TAOK3: variants seen among roughly 807,000 people sequenced by gnomAD.
TAOK3 encodes TAO kinase 3, also known as serine/threonine-protein kinase TAO3.
TAOK3 carries 40 observed loss-of-function variants against 120.4 expected under a neutral mutation model. The ratio of observed to expected loss-of-function variants is 0.33; its 90% CI spans 0.26 to 0.43. The LOEUF (loss-of-function observed/expected upper bound fraction) is 0.43, where lower values mean the gene tolerates loss of function less well. Among genes scored for constraint, TAOK3 ranks in the 20% least tolerant of loss-of-function variants. The pLI is 1.00. For synonymous variants in TAOK3, 355 were observed against 387.5 expected, an observed-to-expected ratio of 0.92 and a Z score of 0.99; for missense variants, 821 against 1,112.1, an observed-to-expected ratio of 0.74 and a Z score of 3.72.
intron 3 of TAOK3, among the ~76,000 whole-genome samples, chr12:118,252,806 G>C (rs1447928178): frequency 4.0e-5 from 6 of 149,468 alleles, no homozygotes; most frequent in Non-Finnish European, 8.9e-5. Context: ...TGCAAGCTCT[G>C]CCTCCCGAGT....
chr12:118,366,908 G>A (rs1189004977), intron 1 of TAOK3, among the ~76,000 whole-genome samples: 2 of 152,256 alleles, frequency 1.3e-5, no homozygotes, highest in African/African-American at 4.8e-5. Flanking sequence ...TCACCAACAT[G>A]GTGAAACCCC....
intron 1 of TAOK3, among the ~76,000 whole-genome samples, chr12:118,363,786 C>G (rs1212319509): frequency 1.3e-5 from 2 of 151,054 alleles, no homozygotes; most frequent in Admixed American, 6.6e-5. Flanking sequence ...GACAGACAGA[C>G]AGACACACAG....
intron 1 of TAOK3, chr12:118,297,300 T>A (rs950964158): frequency 2.0e-5 from 3 of 152,238 alleles, no homozygotes; most frequent in Non-Finnish European, 4.4e-5. Context: ...CTATGACAAC[T>A]ATTAGTCAAA....
At chr12:118,286,461 CAT>C (rs2042269102) in intron 1 of TAOK3, among the ~76,000 whole-genome samples, 1 of 151,602 alleles carries the variant, frequency 6.6e-6, no homozygotes, top group Non-Finnish European at 1.5e-5. Context: ...GGCCAACAAA[CAT>C]ATGAAAAAAT....
chr12:118,271,141 A>T (rs937205327), intron 1 of TAOK3, among the ~76,000 whole-genome samples: 10 of 152,210 alleles, frequency 6.6e-5, no homozygotes, highest in Admixed American at 4.6e-4. Flanking sequence ...TAAAAAATAA[A>T]AACAGTGTTA....
At chr12:118,268,599 C>T (rs2041559409) in intron 1 of TAOK3, among the ~76,000 whole-genome samples, 1 of 152,174 alleles carries the variant, frequency 6.6e-6, no homozygotes, top group East Asian at 1.9e-4. Context: ...TAACCACTAA[C>T]CAATCAATAA....
chr12:118,185,967 T>A (rs2037049298), intron 14 of TAOK3, among the ~76,000 whole-genome samples: 1 of 152,214 alleles, frequency 6.6e-6, no homozygotes, highest in Non-Finnish European at 1.5e-5. Context: ...GAGAACACAT[T>A]TTCAAGCATT....
Position 118,318,448 on chromosome 12 carries a change from G to T in TAOK3, c.-193-51689C>A, listed in dbSNP as rs558137638. Among the ~76,000 whole-genome samples, 47 of 152,198 alleles carry T rather than the reference G, an allele frequency of 3.1e-4. 1 individual carries two copies. The highest frequency in any genetic ancestry group is 1.1e-3 in the African/African-American group (47 of 41,526). ...TGGGATTACAGGTGTGAGCCGCTGC[G>T]CCTGGCCACAACTCTTAAATATAGG... On this transcript the variant is annotated intron_variant, in intron 1 of 20. Transcript: ENST00000392533.
At chr12:118,226,721 T>C (rs532752774) in intron 9 of TAOK3, among the ~76,000 whole-genome samples, 1 of 152,330 alleles carries the variant, frequency 6.6e-6, no homozygotes, top group South Asian at 2.1e-4. Flanking sequence ...GGGAGAAGGC[T>C]ACTTTGTCCT....
Position 118,199,157 on chromosome 12 carries a change from C to A in TAOK3, c.1088G>T (p.Ser363Ile). Reference sequence around the variant, plus strand: ...CATGACTTCCTGCATGCTGTTCACACTGCTGCTCTGGCTGCCTGTGCTCAC... The same window carrying A: ...CATGACTTCCTGCATGCTGTTCACAATGCTGCTCTGGCTGCCTGTGCTCAC... ...MSVSTGSQSSSVNSMQEVMDE... is the reference protein window; with the variant it reads ...MSVSTGSQSSIVNSMQEVMDE... The change falls in exon 13 of 21, where the codon AGT (serine) becomes ATT (isoleucine). Residue 363 changes from serine (S) to isoleucine (I), a missense_variant. By Grantham distance (142) the Ser-to-Ile change is moderately radical. Around this residue, in one of 2 missense-constraint regions of TAOK3, gnomAD observed 467 missense variants for 540.0 expected, o/e 0.86. Coordinates refer to ENST00000392533, the MANE Select transcript of TAOK3 (RefSeq NM_016281.4). 6.2e-7 allele frequency: 1 copy of A among 1,614,192 alleles called. No individual in the cohort carries two copies. Among genetic ancestry groups the A allele is most frequent in the African/African-American group, 1.3e-5 (1 of 75,046 alleles).
chr12:118,190,326 G>C (rs892264975), intron 13 of TAOK3: 1 of 160,198 alleles, frequency 6.2e-6, no homozygotes, highest in Non-Finnish European at 1.4e-5. Context: ...GGAGGATGCT[G>C]GTGGCTTTTA....
chr12:118,252,260 A>G (rs2040789034), intron 3 of TAOK3, among the ~76,000 whole-genome samples: 1 of 152,246 alleles, frequency 6.6e-6, no homozygotes, highest in African/African-American at 2.4e-5. Context: ...CAAAACAAAC[A>G]GGTCACAAAT....
In TAOK3 at chr12:118,214,160, A is replaced by G. The variant is rs932561039; in HGVS notation, c.644-50T>C. The G allele has an allele frequency of 2.1e-6, 3 of 1,428,652 alleles. No individual in the cohort carries two copies. In the African/African-American group the frequency reaches 4.3e-5, roughly 21 times the overall value. 88.5% of individuals were successfully genotyped at this position (1,428,652 alleles called of 1,614,324 possible). On this transcript the variant is annotated intron_variant, in intron 9 of 20. Transcript: ENST00000392533. Reference sequence around the variant, plus strand: ...AAGTAGTTCTTGAAGGAAACCAGGCAGACAGAGAAATAAGAAACTATGAGC... The same window carrying G: ...AAGTAGTTCTTGAAGGAAACCAGGCGGACAGAGAAATAAGAAACTATGAGC...
intron 1 of TAOK3, among the ~76,000 whole-genome samples, chr12:118,342,829 G>T (rs749579356): frequency 6.6e-6 from 1 of 151,798 alleles, no homozygotes; most frequent in Non-Finnish European, 1.5e-5. Context: ...AGGTACTGGG[G>T]AGGCTGAGGC....
intron 9 of TAOK3, among the ~76,000 whole-genome samples, chr12:118,222,891 A>T (rs1031822131): frequency 6.6e-5 from 10 of 152,140 alleles, no homozygotes; most frequent in African/African-American, 2.4e-4. Context: ...TCATCCATGT[A>T]AACAAAAAAA....
rs1388682924 is a variant in TAOK3 at position 118,198,849 on chromosome 12, G to A, written c.1194+202C>T. ...GATGATGGACATCAGAGTAATGAGA[G>A]AGGGAGATGAAGAAATAGGCACAGA... On this transcript the variant is annotated intron_variant, in intron 13 of 20. Coordinates refer to ENST00000392533, the MANE Select transcript of TAOK3 (RefSeq NM_016281.4). The A allele has an allele frequency of 1.5e-5, 9 of 587,646 alleles. No individual in the cohort carries two copies. In the African/African-American group the frequency reaches 1.7e-4, roughly 11 times the overall value. The allele number at this position is 587,646 out of a possible 1,614,324, so 36.4% of individuals were successfully genotyped here. A position where few individuals can be genotyped will look rare whatever the true frequency, so the allele number is the denominator to read the frequency against.
At chr12:118,324,556 T>C (rs893812129) in intron 1 of TAOK3, among the ~76,000 whole-genome samples, 6 of 152,058 alleles carry the variant, frequency 3.9e-5, no homozygotes, top group African/African-American at 7.2e-5. Flanking sequence ...CCTGCTATCC[T>C]TTCCAGCCTC....
In TAOK3 at chr12:118,240,469, G is replaced by A. The variant is rs565595351; in HGVS notation, c.295-1197C>T. Among the ~76,000 whole-genome samples, 26 of 151,966 alleles carry A rather than the reference G, an allele frequency of 1.7e-4. No homozygotes were observed. In the East Asian group the frequency reaches 2.7e-3, roughly 16 times the overall value. On this transcript the variant is annotated intron_variant, in intron 5 of 20. Coordinates refer to ENST00000392533, the MANE Select transcript of TAOK3 (RefSeq NM_016281.4). Reference sequence around the variant, plus strand: ...GTTGGGATTACAGGTGTGAGCCACCGTGCCCGGCCTCTTTCTGTACTCTTA... The same window carrying A: ...GTTGGGATTACAGGTGTGAGCCACCATGCCCGGCCTCTTTCTGTACTCTTA...
At chr12:118,214,471 G>T (rs896435414) in intron 9 of TAOK3, among the ~76,000 whole-genome samples, 4 of 151,838 alleles carry the variant, frequency 2.6e-5, no homozygotes, top group Non-Finnish European at 5.9e-5. Flanking sequence ...TCTCCTTGAA[G>T]TCTGGGTATT....
Sources: gnomAD v4.1 joint callset for allele counts (sites outside exome capture counted in the v4.1 genomes callset) on GRCh38, gnomAD v4.1.1 for gene constraint, gnomAD v4.1.1 regional missense constraint, MANE v1.5 for transcripts, NCBI Gene and HGNC (gene_info 2026-07-23, HGNC 2026-07-21) for gene names.